Variants in SHISA6 observed in about 807,000 individuals in gnomAD.
SHISA6 encodes the protein shisa family member 6.
In SHISA6, 22 loss-of-function variants were observed where a neutral mutation model predicts 47.9. The ratio of observed to expected loss-of-function variants is 0.46; its 90% CI spans 0.33 to 0.66. SHISA6 has a LOEUF of 0.66. Ranked by LOEUF, SHISA6 falls within the 30% of genes least tolerant of loss-of-function variation. The pLI, the probability that SHISA6 is intolerant of heterozygous loss-of-function variation, is 0.02. For synonymous variants in SHISA6, 388 were observed against 337.8 expected (o/e 1.15, Z -1.63); for missense variants, 680 against 764.6 (o/e 0.89, Z 1.30).
At position 11,533,587 on chromosome 17, in the gene SHISA6, A is replaced by ATTTTTT. The variant is rs3038696; in HGVS notation, c.896-18291_896-18286dup. 1.6e-3 allele frequency among the ~76,000 whole-genome samples: 153 copies of ATTTTTT among 94,996 alleles called. 3 individuals are homozygous for ATTTTTT. The highest frequency in any genetic ancestry group is 1.7e-3 in the Non-Finnish European group (87 of 50,124). 62.3% of individuals were successfully genotyped at this position (94,996 alleles called of 152,430 possible). On this transcript the variant is annotated intron_variant, in intron 3 of 5. Coordinates refer to ENST00000441885, the MANE Select transcript of SHISA6 (RefSeq NM_207386.4). The stretch of plus-strand genomic sequence containing the variant: ...TTCTTTTTGAAGCTTCCCTTTCATT[A>ATTTTTT]TTTTTTTTTTTTTTTTTTTTTTTGA...
At chr17:11,499,431 CCCCACCTGT>C (rs2071433073) in intron 3 of SHISA6, among the ~76,000 whole-genome samples, 2 of 152,120 alleles carry the variant, frequency 1.3e-5, no homozygotes, top group Non-Finnish European at 2.9e-5. Flanking sequence ...TGCTTTCTTC[CCCCACCTGT>C]CCCACCTAAG....
At position 11,539,703 on chromosome 17, in the gene SHISA6, C is replaced by A. The variant is rs146577508; in HGVS notation, c.896-12193C>A. Among the ~76,000 whole-genome samples the A allele has an allele frequency of 2.5e-3, 375 of 152,348 alleles. 1 individual carries two copies. Among genetic ancestry groups the A allele is most frequent in the African/African-American group, 8.6e-3 (357 of 41,586 alleles). On this transcript the variant is annotated intron_variant, in intron 3 of 5. Coordinates refer to ENST00000441885, the MANE Select transcript of SHISA6 (RefSeq NM_207386.4). ...CCCCAGCTTGCTTCTCTGCTTCCTG[C>A]AAACAGCCTTGGAGCTCAAACGGAG... is the stretch of plus-strand genomic sequence containing the variant.
At chr17:11,390,460 T>C (rs140252772) in intron 3 of SHISA6, among the ~76,000 whole-genome samples, 1 of 152,276 alleles carries the variant, frequency 6.6e-6, no homozygotes, top group African/African-American at 2.4e-5. Flanking sequence ...AGACCAGCCA[T>C]TGGGCTTCAC....
In SHISA6 at chr17:11,532,739, C is replaced by CTTTTTTT. The variant is rs71142217; in HGVS notation, c.896-19138_896-19132dup. On this transcript the variant is annotated intron_variant, in intron 3 of 5. Coordinates refer to ENST00000441885, the MANE Select transcript of SHISA6 (RefSeq NM_207386.4). ...CATGCCTTTCCCCATTCTATCAGGG[C>CTTTTTTT]TTTTTTTTTTTTTTTTTTTTTTTTT... 3.8e-3 allele frequency among the ~76,000 whole-genome samples: 268 copies of CTTTTTTT among 71,282 alleles called. 1 individual carries two copies. Among genetic ancestry groups the CTTTTTTT allele is most frequent in the Non-Finnish European group, 4.0e-3 (166 of 41,566 alleles). The allele number at this position is 71,282 out of a possible 152,430, so 46.8% of individuals were successfully genotyped here.
chr17:11,277,099 C>G (rs1480544517), intron 2 of SHISA6, among the ~76,000 whole-genome samples: 1 of 152,048 alleles, frequency 6.6e-6, no homozygotes, highest in Non-Finnish European at 1.5e-5. Context: ...GCTGAGAGGT[C>G]TTACCCAAAG....
intron 2 of SHISA6, among the ~76,000 whole-genome samples, chr17:11,334,130 C>G (rs1911231893): frequency 1.3e-5 from 2 of 152,148 alleles, no homozygotes; most frequent in Admixed American, 1.3e-4. Flanking sequence ...TGGAAATCCC[C>G]TGTTTATAGC....
At chr17:11,320,312 C>G (rs1910667977) in intron 2 of SHISA6, among the ~76,000 whole-genome samples, 1 of 151,910 alleles carries the variant, frequency 6.6e-6, no homozygotes, top group Non-Finnish European at 1.5e-5. Context: ...GTCTTAATTC[C>G]CCAGTCTGTA....
intron 1 of SHISA6, among the ~76,000 whole-genome samples, chr17:11,258,705 T>G (rs1908110253): frequency 1.3e-5 from 2 of 152,154 alleles, no homozygotes; most frequent in Non-Finnish European, 2.9e-5. Flanking sequence ...GGTGTTCTAG[T>G]CAGGATTTCA....
intron 2 of SHISA6, among the ~76,000 whole-genome samples, chr17:11,324,858 G>A (rs747023150): frequency 6.6e-6 from 1 of 152,142 alleles, no homozygotes; most frequent in Admixed American, 6.5e-5. Flanking sequence ...GGTGATCAAA[G>A]ATACTCAAAG....
intron 1 of SHISA6, among the ~76,000 whole-genome samples, chr17:11,256,157 G>A (rs766558211): frequency 1.3e-5 from 2 of 152,158 alleles, no homozygotes; most frequent in Non-Finnish European, 2.9e-5. Context: ...CTGCCTACGT[G>A]TTGCCTCACT....
At chr17:11,541,786 A>T (rs919771322) in intron 3 of SHISA6, among the ~76,000 whole-genome samples, 8 of 152,094 alleles carry the variant, frequency 5.3e-5, no homozygotes, top group African/African-American at 1.9e-4. Flanking sequence ...CTTCCCCTTC[A>T]TCTCCACTTC....
intron 3 of SHISA6, among the ~76,000 whole-genome samples, chr17:11,406,404 C>A (rs1008861778): frequency 2.0e-5 from 3 of 152,226 alleles, no homozygotes; most frequent in Admixed American, 2.0e-4. Context: ...CTCGCCAGTC[C>A]TCACCAGAAT....
intron 1 of SHISA6, among the ~76,000 whole-genome samples, chr17:11,249,982 C>T (rs987310849): frequency 2.6e-5 from 4 of 152,128 alleles, no homozygotes; most frequent in Non-Finnish European, 5.9e-5. Flanking sequence ...TCATGAGGAA[C>T]GACAATTATT....
chr17:11,412,576 C>G (rs1200946987), intron 3 of SHISA6, among the ~76,000 whole-genome samples: 1 of 151,322 alleles, frequency 6.6e-6, no homozygotes, highest in Non-Finnish European at 1.5e-5. Flanking sequence ...GAGTCTCACT[C>G]TGTCGCTCAG....
chr17:11,414,480 TC>T (rs1198373767), intron 3 of SHISA6, among the ~76,000 whole-genome samples: 1 of 152,168 alleles, frequency 6.6e-6, no homozygotes, highest in Non-Finnish European at 1.5e-5. Flanking sequence ...TTCTATTCTT[TC>T]CCTGCCCCTC....
intron 3 of SHISA6, among the ~76,000 whole-genome samples, chr17:11,484,453 T>C (rs1916295766): frequency 6.6e-6 from 1 of 152,114 alleles, no homozygotes. Flanking sequence ...CAGGCTGGAG[T>C]GCAGTGACAT....
At chr17:11,480,923 A>T (rs910788881) in intron 3 of SHISA6, among the ~76,000 whole-genome samples, 2 of 152,154 alleles carry the variant, frequency 1.3e-5, no homozygotes, top group Admixed American at 6.5e-5. Context: ...TGAGTATATT[A>T]AAAAAATAGA....
intron 3 of SHISA6, among the ~76,000 whole-genome samples, chr17:11,481,360 G>GTATATATA (rs1346846568): frequency 9.0e-6 from 1 of 111,580 alleles, no homozygotes; most frequent in African/African-American, 3.5e-5. Context: ...GTGTGTGTGT[G>GTATATATA]TGTGTGTATA....
At chr17:11,402,974 C>T (rs1252494387) in intron 3 of SHISA6, among the ~76,000 whole-genome samples, 2 of 152,184 alleles carry the variant, frequency 1.3e-5, no homozygotes, top group African/African-American at 4.8e-5. Context: ...CAATGGCTGC[C>T]TCATAGCCTC....
Sources: gnomAD v4.1 joint callset for allele counts (sites outside exome capture counted in the v4.1 genomes callset) on GRCh38, gnomAD v4.1.1 for gene constraint, MANE v1.5 for transcripts, NCBI Gene and HGNC (gene_info 2026-07-23, HGNC 2026-07-21) for gene names.